Variants in CDC34 observed in about 807,000 individuals in gnomAD.
CDC34 encodes cell division cycle 34, ubiquitin conjugating enzyme.
CDC34 carries 18 observed loss-of-function variants against 26.8 expected under a neutral mutation model. The ratio of observed to expected loss-of-function variants is 0.67; its 90% confidence interval spans 0.47 to 1.00. The LOEUF is 1.00. Ranked by LOEUF, CDC34 falls within the 50% of genes least tolerant of loss-of-function variation. The pLI is 0.00. For synonymous variants in CDC34, 178 were observed against 147.5 expected (o/e 1.21, Z -1.50); for missense variants, 280 against 334.5 (o/e 0.84, Z 1.27).
intron 4 of CDC34, among the ~76,000 whole-genome samples, chr19:539,264 G>A (rs911463166): frequency 5.3e-5 from 8 of 152,016 alleles, no homozygotes; most frequent in South Asian, 2.1e-4. Flanking sequence ...GCACCTCCAC[G>A]GTGCAGGTCA....
chr19:539,317 C>T (rs907531563), intron 4 of CDC34, among the ~76,000 whole-genome samples: 1 of 151,798 alleles, frequency 6.6e-6, no homozygotes, highest in African/African-American at 2.4e-5. Context: ...ACAGCCGCCA[C>T]CTCTGCGGTG....
chr19:536,086 C>CTCGGGGCGCTGGGAG, intron 2 of CDC34, among the ~76,000 whole-genome samples, 157 bp from the exon 3 acceptor site: 1 of 47,744 alleles, frequency 2.1e-5, no homozygotes, highest in Non-Finnish European at 4.3e-5. Context: ...CCTTCCGGGA[C>CTCGGGGCGCTGGGAG]CCGAGGCGCT....
rs566578638 is a variant in CDC34, at chr19:536,480, C to T, written c.362+140C>T. The T allele has an allele frequency of 1.1e-3, 744 of 653,006 alleles. 3 individuals are homozygous for T. In the African/African-American group the frequency reaches 0.012, roughly 10 times the overall value. The allele number at this position is 653,006 out of a possible 1,614,324, so 40.5% of individuals were successfully genotyped here. A position where few individuals can be genotyped will look rare whatever the true frequency, so the allele number is the denominator to read the frequency against. On this transcript the variant is annotated intron_variant, in intron 3 of 4. Transcript: ENST00000215574. ...GCCTGATTCGGGACCTGCCAGCTGG[C>T]GGTCCTGGGCCTCGCTGTACCTGCA...
At position 532,042 on chromosome 19, in the gene CDC34, T is replaced by A; in HGVS notation, c.111T>A (p.Asp37Glu). ...GFRVTLVDEG[D>E]LYNWEVAIFG... is the part of the protein sequence containing the mutation. Reference sequence around the variant, plus strand: ...GCGTGACACTGGTGGACGAGGGCGATCTATACAACTGGGAGGTGGCCATCT... The same window carrying A: ...GCGTGACACTGGTGGACGAGGGCGAACTATACAACTGGGAGGTGGCCATCT... Residue 37 changes from aspartate (D) to glutamate (E), a missense_variant, in exon 1 of 5, where the codon GAT becomes GAA. Transcript: ENST00000215574. 6.6e-7 allele frequency: 1 copy of A among 1,520,434 alleles called. No individual in the cohort carries two copies. The allele number at this position is 1,520,434 out of a possible 1,614,324, so 94.2% of individuals were successfully genotyped here.
intron 1 of CDC34, among the ~76,000 whole-genome samples, chr19:534,100 G>C (rs1197580733): frequency 6.6e-6 from 1 of 152,198 alleles, no homozygotes; most frequent in Non-Finnish European, 1.5e-5. Context: ...GGCTCATTGG[G>C]ACTTGGTGGG....
chr19:539,013 C>A, intron 4 of CDC34: 1 of 985,170 alleles, frequency 1.0e-6, no homozygotes. Context: ...GAAATAAAAG[C>A]CACACTATTT....
intron 4 of CDC34, among the ~76,000 whole-genome samples, chr19:540,724 G>GC (rs1463405275): frequency 1.5e-5 from 1 of 65,800 alleles, no homozygotes; most frequent in African/African-American, 5.4e-5. Context: ...GGGTGGCCAG[G>GC]CCCCCGGGTT....
intron 1 of CDC34, 82 bp downstream of exon 1, chr19:532,190 C>T: frequency 8.4e-7 from 1 of 1,184,940 alleles, no homozygotes; most frequent in Non-Finnish European, 1.1e-6. Context: ...CCCCGCGGTC[C>T]TAGCGCTGTT....
At chr19:536,974 T>C in intron 3 of CDC34, 39 bp from the exon 4 acceptor site, 1 of 1,611,630 alleles carries the variant, frequency 6.2e-7, no homozygotes. Context: ...AAGGCTGGGG[T>C]GCCCCGGGCC....
chr19:536,144 T>TCACGTCCTCGTCCTC (rs1174844165), intron 2 of CDC34, 99 bp from the exon 3 acceptor site: 5 of 1,032,268 alleles, frequency 4.8e-6, no homozygotes, highest in African/African-American at 4.8e-5. Flanking sequence ...GCTGGGAGCC[T>TCACGTCCTCGTCCTC]CACGTCCTCG....
chr19:535,084 G>A (rs1375464983), intron 1 of CDC34, among the ~76,000 whole-genome samples: 20 of 152,246 alleles, frequency 1.3e-4, no homozygotes. Context: ...GGCCGTGGGT[G>A]GCATCACGCC....
At chr19:532,459 T>G (rs1411416503) in intron 1 of CDC34, among the ~76,000 whole-genome samples, 1 of 152,132 alleles carries the variant, frequency 6.6e-6, no homozygotes, top group Non-Finnish European at 1.5e-5. Context: ...TGGCGGGGGC[T>G]GGACCCCGGC....
At chr19:536,502 T>C in intron 3 of CDC34, 162 bp downstream of exon 3, 1 of 613,692 alleles carries the variant, frequency 1.6e-6, no homozygotes, top group Non-Finnish European at 2.9e-6. Context: ...TCGCTGTACC[T>C]GCACGGTAGG....
In CDC34 at chr19:541,372, G is replaced by C; in HGVS notation, c.531G>C (p.Glu177Asp). ...TCCTGGGGACCAAGGTGGACGCGGA[G>C]CGTGACGGCGTGAAGGTGCCCACCA... ...KQVLGTKVDA[E>D]RDGVKVPTTL... Residue 177 changes from glutamate (E) to aspartate (D), a missense_variant, in exon 5 of 5, where the codon GAG (glutamate) becomes GAC (aspartate). Transcript: ENST00000215574. The C allele has an allele frequency of 6.2e-7, 1 of 1,604,640 alleles. No individual in the cohort carries two copies. Among genetic ancestry groups the C allele is most frequent in the South Asian group, 1.1e-5 (1 of 90,196 alleles).
rs567142738 is a variant in CDC34, at chr19:532,600, G to A, written c.177+492G>A. On this transcript the variant is annotated intron_variant, in intron 1 of 4. Coordinates refer to ENST00000215574, the MANE Select transcript of CDC34 (RefSeq NM_004359.2). ...AGACCCCGTAGCTGCTATTGTTGGG[G>A]AGCTGGGCCCGTGAGCGGGGGAGCG... Among the ~76,000 whole-genome samples the A allele has an allele frequency of 7.3e-3, 1,111 of 152,352 alleles. 6 individuals are homozygous for A. Among genetic ancestry groups the A allele is most frequent in the Non-Finnish European group, 0.011 (776 of 68,034 alleles).
Position 537,082 on chromosome 19 carries a change from C to T in CDC34, c.432C>T (p.Ala144=), listed in dbSNP as rs1482011453. The change falls in exon 4 of 5, where the codon GCC becomes GCT. Residue 144 remains alanine, a synonymous_variant. Transcript: ENST00000215574. Reference sequence around the variant, plus strand: ...CCTTCTCGCCCGCAAACGTGGACGCCTCCGTGATGTACAGGAAGTGGAAAG... The same window carrying T: ...CCTTCTCGCCCGCAAACGTGGACGCTTCCGTGATGTACAGGAAGTGGAAAG... ...PNTFSPANVD[A]SVMYRKWKES... The T allele has an allele frequency of 2.5e-6, 4 of 1,613,748 alleles. No homozygotes were observed. Among genetic ancestry groups the T allele is most frequent in the African/African-American group, 2.7e-5 (2 of 74,936 alleles).
rs975917752 is a variant in CDC34, at chr19:532,037, G to A, written c.106G>A (p.Gly36Ser). ...ATTCCGCGTGACACTGGTGGACGAG[G>A]GCGATCTATACAACTGGGAGGTGGC... ...EGFRVTLVDE[G>S]DLYNWEVAIF... is the part of the protein sequence containing the mutation. The change falls in exon 1 of 5, where the codon GGC (glycine) becomes AGC (serine). Residue 36 changes from glycine to serine, a missense_variant. Transcript: ENST00000215574. 3.9e-6 allele frequency: 6 copies of A among 1,522,160 alleles called. No homozygotes were observed. The Admixed American group carries it at 9.7e-5, about 25-fold the overall frequency. The allele number at this position is 1,522,160 out of a possible 1,614,324, so 94.3% of individuals were successfully genotyped here. A position where few individuals can be genotyped will look rare whatever the true frequency, so the allele number is the denominator to read the frequency against.
chr19:540,932 C>G (rs1979983491), intron 4 of CDC34, among the ~76,000 whole-genome samples: 1 of 152,174 alleles, frequency 6.6e-6, no homozygotes, highest in Non-Finnish European at 1.5e-5. Flanking sequence ...CAGGGATGGT[C>G]CTGCCTCCTG....
chr19:534,333 C>T (rs1979626209), intron 1 of CDC34, among the ~76,000 whole-genome samples: 1 of 151,354 alleles, frequency 6.6e-6, no homozygotes, highest in Admixed American at 6.6e-5. Flanking sequence ...CCTCCCTGTC[C>T]AGGAGGGGCC....
Sources: allele counts gnomAD v4.1 joint callset (sites outside exome capture counted in the v4.1 genomes callset), GRCh38; gene constraint gnomAD v4.1.1; transcripts MANE v1.5; gene names NCBI Gene and HGNC (gene_info 2026-07-23, HGNC 2026-07-21).